Variants in CYTH3 observed in about 807,000 individuals in gnomAD.
The protein encoded by CYTH3 is cytohesin 3.
In CYTH3, 23 loss-of-function variants were observed where a neutral mutation model predicts 55.1. That is an observed-to-expected ratio of 0.42 (90% CI 0.30 to 0.59). The LOEUF (loss-of-function observed/expected upper bound fraction) is 0.59. Ranked by LOEUF, CYTH3 falls within the 20% of genes least tolerant of loss-of-function variation. CYTH3 has a pLI of 0.20. For synonymous variants in CYTH3, 249 were observed against 194.9 expected (o/e 1.28, Z -2.31); for missense variants, 413 against 524.8 (o/e 0.79, Z 2.08).
Position 6,170,760 on chromosome 7 carries a change from C to CGCGGGCGCT in CYTH3, c.711+61_711+69dup. The CGCGGGCGCT allele has an allele frequency of 6.4e-7, 1 of 1,570,086 alleles. No homozygotes were observed. Among genetic ancestry groups the CGCGGGCGCT allele is most frequent in the South Asian group, 1.2e-5 (1 of 86,056 alleles). On this transcript the variant is annotated intron_variant, in intron 8 of 12. Transcript: ENST00000350796. This position sits in a 1 kb window ranked among gnomAD's most constrained non-coding sequence, Gnocchi z 7.8. ...GAGGCTTGGGAGGCGTGTCTAGAGC[C>CGCGGGCGCT]GCGGGCGCTGCGGCCGCTCACAGCG...
intron 1 of CYTH3, 64 bp downstream of exon 1, chr7:6,272,410 G>GGGGGGGGGGGGGGGGCCGCC: frequency 8.2e-7 from 1 of 1,216,618 alleles, no homozygotes; most frequent in Non-Finnish European, 1.1e-6. Context: ...CCGCGCCCTC[G>GGGGGGGGGGGGGGGGCCGCC]ACCCCCAGCC....
chr7:6,226,216 G>A (rs1290784012), intron 1 of CYTH3, among the ~76,000 whole-genome samples: 2 of 152,262 alleles, frequency 1.3e-5, no homozygotes, highest in African/African-American at 2.4e-5. Flanking sequence ...AGATCCAGAC[G>A]TCCTCCTGTA....
intron 1 of CYTH3, among the ~76,000 whole-genome samples, chr7:6,230,162 A>T (rs1166148967): frequency 2.6e-5 from 4 of 152,178 alleles, no homozygotes; most frequent in South Asian, 4.1e-4. Flanking sequence ...AACATAAAAT[A>T]AAAAAACCCA....
In CYTH3 at chr7:6,205,875, T is replaced by TAAAAA. The variant is rs370194149; in HGVS notation, c.35-15349_35-15345dup. Among the ~76,000 whole-genome samples, 63 of 28,090 alleles carry TAAAAA rather than the reference T, an allele frequency of 2.2e-3. 4 individuals are homozygous for TAAAAA. The highest frequency in any genetic ancestry group is 8.4e-3 in the African/African-American group (54 of 6,414). The allele number at this position is 28,090 out of a possible 152,430, so 18.4% of individuals were successfully genotyped here. A position where few individuals can be genotyped will look rare whatever the true frequency, so the allele number is the denominator to read the frequency against. On this transcript the variant is annotated intron_variant, in intron 1 of 12. Transcript: ENST00000350796. Reference sequence around the variant, plus strand: ...GGTGACAGAGCAAGGTCCTATCTCTTAAAAAAAAAAAAAAAAAAAAAAAAA... The same window carrying TAAAAA: ...GGTGACAGAGCAAGGTCCTATCTCTTAAAAAAAAAAAAAAAAAAAAAAAAAAAAAA...
At chr7:6,255,341 T>C (rs1404366737) in intron 1 of CYTH3, among the ~76,000 whole-genome samples, 3 of 152,240 alleles carry the variant, frequency 2.0e-5, no homozygotes, top group Non-Finnish European at 2.9e-5. Flanking sequence ...GACAATATTC[T>C]GCCTTGAACA....
At chr7:6,267,307 A>C (rs1780523871) in intron 1 of CYTH3, among the ~76,000 whole-genome samples, 2 of 152,226 alleles carry the variant, frequency 1.3e-5, no homozygotes, top group Non-Finnish European at 2.9e-5. Flanking sequence ...TGACACAGGC[A>C]CTAATAGCTC....
chr7:6,172,573 C>T (rs1293397759), intron 6 of CYTH3, among the ~76,000 whole-genome samples: 1 of 152,240 alleles, frequency 6.6e-6, no homozygotes, highest in Non-Finnish European at 1.5e-5. Context: ...TATTCCCGCC[C>T]ATCCTGTGCC....
At chr7:6,195,030 A>T (rs1210687634) in intron 1 of CYTH3, among the ~76,000 whole-genome samples, 1 of 152,068 alleles carries the variant, frequency 6.6e-6, no homozygotes, top group Non-Finnish European at 1.5e-5. Context: ...AGACAAATGA[A>T]AAGAGAAAAA....
At chr7:6,229,635 C>T (rs1174886453) in intron 1 of CYTH3, among the ~76,000 whole-genome samples, 1 of 147,992 alleles carries the variant, frequency 6.8e-6, no homozygotes, top group African/African-American at 2.5e-5. Context: ...CATAGTGAAA[C>T]CCCGTCTCTA....
chr7:6,208,957 G>T (rs966440239), intron 1 of CYTH3, among the ~76,000 whole-genome samples: 6 of 152,174 alleles, frequency 3.9e-5, no homozygotes, highest in African/African-American at 1.4e-4. Flanking sequence ...AGAACCTCTG[G>T]GTATGAAGCC....
At chr7:6,259,798 TA>T (rs1343818807) in intron 1 of CYTH3, among the ~76,000 whole-genome samples, 291 of 24,802 alleles carry the variant, frequency 0.012, 12 homozygotes, top group East Asian at 0.078. Context: ...TATATATATA[TA>T]TATATATATA....
chr7:6,271,433 G>C (rs938769370), intron 1 of CYTH3, among the ~76,000 whole-genome samples: 6 of 151,952 alleles, frequency 3.9e-5, no homozygotes, highest in Non-Finnish European at 8.8e-5. Flanking sequence ...CTTATTACAT[G>C]GGGTTCTGAT....
chr7:6,173,610 G>A (rs1333021999), intron 6 of CYTH3, 43 bp downstream of exon 6: 1 of 1,319,114 alleles, frequency 7.6e-7, no homozygotes, highest in East Asian at 2.3e-5. Context: ...TGGTCCTCTG[G>A]CCTTCCCCAT....
chr7:6,196,830 A>T (rs1783946316), intron 1 of CYTH3, among the ~76,000 whole-genome samples: 1 of 152,248 alleles, frequency 6.6e-6, no homozygotes, highest in Non-Finnish European at 1.5e-5. Context: ...CCTGTTACTA[A>T]AAAGTAAATG....
Position 6,171,039 on chromosome 7 carries a change from G to C in CYTH3, c.563-61C>G, listed in dbSNP as rs971747129. On this transcript the variant is annotated intron_variant, in intron 7 of 12. Transcript: ENST00000350796. The surrounding 1 kb of genome is among the most constrained non-coding windows in gnomAD (Gnocchi z 6.7). ...CCTCCAGTGGACAGTGGGACCCCGC[G>C]TGCTGGGGGCCCGCCTGCAAGAGGT... 7 of 1,601,402 alleles carry C rather than the reference G, an allele frequency of 4.4e-6. No individual in the cohort carries two copies. The highest frequency in any genetic ancestry group is 1.7e-4 in the Middle Eastern group (1 of 6,048).
chr7:6,271,836 G>C (rs1036017236), intron 1 of CYTH3, among the ~76,000 whole-genome samples: 1 of 152,092 alleles, frequency 6.6e-6, no homozygotes, highest in African/African-American at 2.4e-5. Context: ...GCTCCACGGA[G>C]TTTTTTGCTC....
At chr7:6,203,977 A>C (rs549592738) in intron 1 of CYTH3, among the ~76,000 whole-genome samples, 2 of 152,046 alleles carry the variant, frequency 1.3e-5, no homozygotes, top group African/African-American at 4.8e-5. Context: ...TCAGCCTCCC[A>C]AAGTGCTGGG....
chr7:6,172,672 A>G, intron 6 of CYTH3: 1 of 1,033,674 alleles, frequency 9.7e-7, no homozygotes, highest in South Asian at 2.3e-5. Flanking sequence ...AGACTGATGG[A>G]CTGAAAGAAA....
intron 2 of CYTH3, chr7:6,188,782 C>T (rs540277940): frequency 3.0e-4 from 45 of 152,284 alleles, no homozygotes; most frequent in African/African-American, 1.1e-3. Context: ...ATTACGATTC[C>T]ACATTTATCC....
Sources: allele counts gnomAD v4.1 joint callset (sites outside exome capture counted in the v4.1 genomes callset), GRCh38; gene constraint gnomAD v4.1.1; non-coding constraint Gnocchi (gnomAD v3.1); transcripts MANE v1.5; gene names NCBI Gene and HGNC (gene_info 2026-07-23, HGNC 2026-07-21).